IMMP2L: variants seen among roughly 807,000 people sequenced by gnomAD.
IMMP2L encodes the protein inner mitochondrial membrane peptidase subunit 2.
Under a neutral mutation model 19.3 loss-of-function variants are expected in IMMP2L, and 18 were observed. That is an observed-to-expected ratio of 0.93 (90% CI 0.64 to 1.38). The LOEUF is 1.38. Among genes scored for constraint, IMMP2L ranks in the 40% most tolerant of loss-of-function variants. The pLI is 0.00. For synonymous variants in IMMP2L, 76 were observed against 73.0 expected, an observed-to-expected ratio of 1.04 and a Z score of -0.21; for missense variants, 233 against 218.2, an observed-to-expected ratio of 1.07 and a Z score of -0.43.
chr7:110,954,724 T>C (rs2129554592), intron 4 of IMMP2L, among the ~76,000 whole-genome samples: 1 of 152,246 alleles, frequency 6.6e-6, no homozygotes, highest in South Asian at 2.1e-4. Context: ...TCATGGCTTC[T>C]ACATCACACC....
intron 3 of IMMP2L, among the ~76,000 whole-genome samples, chr7:111,170,812 ATAGTAGTAAAGCC>A (rs1806352424): frequency 6.6e-6 from 1 of 151,744 alleles, no homozygotes; most frequent in Admixed American, 6.6e-5. Flanking sequence ...AGAATACTGC[ATAGTAGTAAAGCC>A]TAGGCTTTTA....
Position 110,924,996 on chromosome 7 carries a change from A to T in IMMP2L, c.306-38301T>A, listed in dbSNP as rs529909827. Among the ~76,000 whole-genome samples, 1 of 152,308 alleles carries T rather than the reference A, an allele frequency of 6.6e-6. No homozygotes were observed. The highest frequency in any genetic ancestry group is 2.4e-5 in the African/African-American group (1 of 41,574). On this transcript the variant is annotated intron_variant, in intron 4 of 5. Coordinates refer to ENST00000405709, the MANE Select transcript of IMMP2L (RefSeq NM_032549.4). This position sits in a 1 kb window ranked among gnomAD's most constrained non-coding sequence, Gnocchi z 4.2. ...ATTCATAGTTATGCATGATAAGGGA[A>T]TAAAAAGGAGTATGATGAAGAAAGA...
chr7:111,502,419 A>T (rs1844381590), intron 2 of IMMP2L, among the ~76,000 whole-genome samples: 1 of 152,158 alleles, frequency 6.6e-6, no homozygotes, highest in African/African-American at 2.4e-5. Context: ...AACGAGACAG[A>T]AAGTTAACAA....
intron 3 of IMMP2L, among the ~76,000 whole-genome samples, chr7:111,410,909 C>T (rs1248785605): frequency 6.6e-6 from 1 of 151,076 alleles, no homozygotes; most frequent in African/African-American, 2.4e-5. Flanking sequence ...AGGGCAACAA[C>T]AATCTAACAT....
intron 4 of IMMP2L, among the ~76,000 whole-genome samples, chr7:110,919,809 T>C (rs1469029809): frequency 3.3e-5 from 5 of 152,044 alleles, no homozygotes; most frequent in Non-Finnish European, 7.4e-5. Flanking sequence ...TGTTCCTGGG[T>C]GTGTCTGTGA....
At chr7:110,673,511 G>C (rs1792068002) in intron 5 of IMMP2L, among the ~76,000 whole-genome samples, 1 of 152,202 alleles carries the variant, frequency 6.6e-6, no homozygotes, top group Non-Finnish European at 1.5e-5. Flanking sequence ...CCAAGAAAAT[G>C]AGTTTTTCTT....
intron 3 of IMMP2L, among the ~76,000 whole-genome samples, chr7:111,414,037 C>T (rs1186408256): frequency 1.3e-5 from 2 of 151,758 alleles, no homozygotes; most frequent in Admixed American, 1.3e-4. Context: ...GCAAGATGTT[C>T]CAACCAGCAG....
intron 3 of IMMP2L, among the ~76,000 whole-genome samples, chr7:111,269,902 T>A (rs937898866): frequency 6.6e-6 from 1 of 152,162 alleles, no homozygotes; most frequent in Non-Finnish European, 1.5e-5. Context: ...CTTATCATGT[T>A]CTGATTTGAG....
chr7:111,087,336 C>G (rs987062699), intron 3 of IMMP2L, among the ~76,000 whole-genome samples: 1 of 151,756 alleles, frequency 6.6e-6, no homozygotes, highest in African/African-American at 2.4e-5. Flanking sequence ...ATAGTCCCAG[C>G]TACCAGGGAG....
chr7:111,547,803 C>G (rs1849074207), intron 1 of IMMP2L, among the ~76,000 whole-genome samples: 2 of 151,796 alleles, frequency 1.3e-5, no homozygotes, highest in Admixed American at 6.6e-5. Context: ...TTACTGCAAC[C>G]TCTGCCTCCC....
intron 3 of IMMP2L, among the ~76,000 whole-genome samples, chr7:110,999,511 TCTCTAG>T (rs1823417878): frequency 6.6e-6 from 1 of 151,844 alleles, no homozygotes; most frequent in African/African-American, 2.4e-5. Flanking sequence ...CTAGTAGTAC[TCTCTAG>T]CTCACTAATG....
intron 3 of IMMP2L, among the ~76,000 whole-genome samples, chr7:111,287,305 C>T (rs1369367163): frequency 1.3e-5 from 2 of 152,126 alleles, no homozygotes; most frequent in East Asian, 3.9e-4. Flanking sequence ...TCTAAACGTA[C>T]ATATTCCTGC....
intron 3 of IMMP2L, among the ~76,000 whole-genome samples, chr7:111,078,398 G>A (rs932547566): frequency 2.6e-5 from 4 of 151,956 alleles, no homozygotes; most frequent in South Asian, 4.1e-4. Context: ...AAAGCAATCC[G>A]GTCCACTGAT....
intron 3 of IMMP2L, among the ~76,000 whole-genome samples, chr7:111,209,841 C>T (rs752430483): frequency 6.6e-5 from 10 of 152,074 alleles, no homozygotes; most frequent in South Asian, 2.1e-4. Flanking sequence ...CCTGAAGGTT[C>T]GGGTCAGTAA....
intron 3 of IMMP2L, among the ~76,000 whole-genome samples, chr7:111,150,241 C>G (rs551582318): frequency 6.6e-6 from 1 of 152,208 alleles, no homozygotes; most frequent in East Asian, 1.9e-4. Flanking sequence ...TTAAATAAGT[C>G]TTGTCATCGT....
chr7:111,199,613 G>T (rs1442968035), intron 3 of IMMP2L, among the ~76,000 whole-genome samples: 1 of 152,104 alleles, frequency 6.6e-6, no homozygotes, highest in East Asian at 1.9e-4. Context: ...ATGTTAGTCT[G>T]ATATAACAAA....
chr7:110,826,495 T>TGGC (rs1803502783), intron 5 of IMMP2L, among the ~76,000 whole-genome samples: 1 of 152,140 alleles, frequency 6.6e-6, no homozygotes. Flanking sequence ...CACCATGGAA[T>TGGC]ACTATGCAGC....
At chr7:110,928,261 T>C (rs1002740082) in intron 4 of IMMP2L, among the ~76,000 whole-genome samples, 1 of 151,496 alleles carries the variant, frequency 6.6e-6, no homozygotes, top group African/African-American at 2.4e-5. Context: ...AGCTCTTCTG[T>C]TTTTCAATTT....
intron 3 of IMMP2L, among the ~76,000 whole-genome samples, chr7:111,195,951 C>T (rs1039120175): frequency 6.6e-6 from 1 of 152,030 alleles, no homozygotes; most frequent in African/African-American, 2.4e-5. Context: ...ACTGCACCCT[C>T]GAACTCCTGG....
Sources: gnomAD v4.1 joint callset for allele counts (sites outside exome capture counted in the v4.1 genomes callset) on GRCh38, gnomAD v4.1.1 for gene constraint, Gnocchi (gnomAD v3.1) non-coding constraint, MANE v1.5 for transcripts, NCBI Gene and HGNC (gene_info 2026-07-23, HGNC 2026-07-21) for gene names.